The following RUBCNL variants were observed in gnomAD, a reference collection of about 807,000 sequenced individuals.
RUBCNL encodes rubicon like autophagy enhancer.
Under a neutral mutation model 69.5 loss-of-function variants are expected in RUBCNL, and 62 were observed. The ratio of observed to expected loss-of-function variants is 0.89; its 90% CI spans 0.73 to 1.10. RUBCNL has a LOEUF of 1.10. Ranked by LOEUF, RUBCNL falls within the 50% of genes least tolerant of loss-of-function variation. The pLI is 0.00. For missense variants in RUBCNL, 768 were observed against 798.1 expected (o/e 0.96, Z 0.45); for synonymous variants, 291 against 303.6 (o/e 0.96, Z 0.43).
intron 3 of RUBCNL, among the ~76,000 whole-genome samples, 186 bp downstream of exon 3, chr13:46,371,755 C>T (rs1274633448): frequency 1.3e-5 from 2 of 152,244 alleles, no homozygotes; most frequent in African/African-American, 4.8e-5. Flanking sequence ...TAACAATTCT[C>T]TGCAGTCTAA....
rs1594141269 is a variant in RUBCNL, at chr13:46,353,403, C to G, written c.1330+3029G>C. Among the ~76,000 whole-genome samples the G allele has an allele frequency of 2.6e-5, 4 of 152,286 alleles. 1 individual carries two copies. In the South Asian group the frequency reaches 8.3e-4, roughly 32 times the overall value. ...AATATCCATTCACTCATTCATCAAA[C>G]TTCATTGAATACATGCTGTTATACT... On this transcript the variant is annotated intron_variant, in intron 10 of 14. Coordinates refer to ENST00000429979, the MANE Select transcript of RUBCNL (RefSeq NM_025113.5).
upstream of RUBCNL, among the ~76,000 whole-genome samples, chr13:46,388,721 A>C (rs1305297996): frequency 3.9e-5 from 6 of 152,172 alleles, no homozygotes; most frequent in Non-Finnish European, 8.8e-5. Flanking sequence ...ATCCCGTTGC[A>C]CTTTCCTGGG....
At chr13:46,387,054 G>A (rs1401777477) in intron 1 of RUBCNL, 80 bp downstream of exon 1, 3 of 971,088 alleles carry the variant, frequency 3.1e-6, no homozygotes, top group Non-Finnish European at 3.7e-6. Flanking sequence ...AACCTCTCCC[G>A]CGGCCCTCCC....
chr13:46,377,291 T>C (rs1445805726), intron 2 of RUBCNL, among the ~76,000 whole-genome samples: 1 of 152,224 alleles, frequency 6.6e-6, no homozygotes, highest in Non-Finnish European at 1.5e-5. Context: ...TTGAGACAAG[T>C]CTCGATCTGT....
At chr13:46,372,677 C>A (rs2048905149) in intron 2 of RUBCNL, 80 bp from the exon 3 acceptor site, 3 of 1,344,726 alleles carry the variant, frequency 2.2e-6, no homozygotes, top group African/African-American at 1.5e-5. Flanking sequence ...GATGGCAAAA[C>A]CCAAAAAATT....
Position 46,368,124 on chromosome 13 carries a change from A to T in RUBCNL, c.744T>A (p.Asp248Glu). The change falls in exon 5 of 15, where the codon GAT becomes GAA. Residue 248 changes from aspartate to glutamate, a missense_variant. Asp to Glu is a conservative substitution (Grantham distance 45). Coordinates refer to ENST00000429979, the MANE Select transcript of RUBCNL (RefSeq NM_025113.5). ...SKEVSGLLGS[D>E]QPDSEMTFDT... ...CAAAAGTCATTTCAGAGTCAGGCTGATCACTCCCAAGTAACCCACTGACTT... is the reference window on the plus strand; with the variant it reads ...CAAAAGTCATTTCAGAGTCAGGCTGTTCACTCCCAAGTAACCCACTGACTT... The T allele has an allele frequency of 6.2e-7, 1 of 1,613,952 alleles. No homozygotes were observed. The highest frequency in any genetic ancestry group is 8.5e-7 in the Non-Finnish European group (1 of 1,179,876).
intron 10 of RUBCNL, among the ~76,000 whole-genome samples, chr13:46,352,960 T>C (rs1594140577): frequency 6.6e-6 from 1 of 152,218 alleles, no homozygotes; most frequent in East Asian, 1.9e-4. Context: ...GAGGGACAGT[T>C]ATTTCCCCTA....
rs530311763 is a variant in RUBCNL at position 46,383,752 on chromosome 13, T to C, written c.-239+3382A>G. Among the ~76,000 whole-genome samples the C allele has an allele frequency of 1.2e-4, 18 of 152,340 alleles. No homozygotes were observed. The South Asian group carries it at 3.7e-3, about 32-fold the overall frequency. On this transcript the variant is annotated intron_variant, in intron 1 of 14. Coordinates refer to ENST00000429979, the MANE Select transcript of RUBCNL (RefSeq NM_025113.5). ...ACCCACAAGTCCAGGTGGCACTGTTTGGAAAAACAGAAAGCAAGAAAACTA... is the reference window on the plus strand; with the variant it reads ...ACCCACAAGTCCAGGTGGCACTGTTCGGAAAAACAGAAAGCAAGAAAACTA...
chr13:46,377,961 C>T lies in RUBCNL; in HGVS notation c.-194G>A. The T allele has an allele frequency of 6.2e-7, 1 of 1,602,856 alleles. No individual in the cohort carries two copies. On this transcript the variant is annotated 5_prime_UTR_variant, in exon 2 of 15. An upstream start codon of the reference 5' UTR is lost. Transcript: ENST00000429979. ...GTAATGATTGGAAACCATCAAAGTCCATGCAGTAGTGACAGGAGGTCAATA... is the reference window on the plus strand; with the variant it reads ...GTAATGATTGGAAACCATCAAAGTCTATGCAGTAGTGACAGGAGGTCAATA...
chr13:46,359,045 G>A (rs1479550274), intron 9 of RUBCNL, among the ~76,000 whole-genome samples: 1 of 152,094 alleles, frequency 6.6e-6, no homozygotes, highest in East Asian at 1.9e-4. Context: ...TTGGGAGGCT[G>A]AGGTGGGCAG....
At chr13:46,362,939 GATATATAT>G (rs57722239) in intron 6 of RUBCNL, among the ~76,000 whole-genome samples, 168 bp downstream of exon 6, 6 of 41,504 alleles carry the variant, frequency 1.4e-4, no homozygotes, top group Admixed American at 8.8e-4. Flanking sequence ...TATATATATA[GATATATAT>G]ATATATATAT....
At position 46,377,956 on chromosome 13, in the gene RUBCNL, A is replaced by G. The variant is rs541033312; in HGVS notation, c.-189T>C. ...AGAAAGTAATGATTGGAAACCATCA[A>G]AGTCCATGCAGTAGTGACAGGAGGT... On this transcript the variant is annotated 5_prime_UTR_variant, in exon 2 of 15. Transcript: ENST00000429979. 2 of 1,607,028 alleles carry G rather than the reference A, an allele frequency of 1.2e-6. No individual in the cohort carries two copies. Among genetic ancestry groups the G allele is most frequent in the East Asian group, 4.5e-5 (2 of 44,792 alleles).
At chr13:46,356,892 C>CA (rs1009828353) in intron 9 of RUBCNL, among the ~76,000 whole-genome samples, 3 of 135,054 alleles carry the variant, frequency 2.2e-5, no homozygotes, top group Admixed American at 7.5e-5. Context: ...GCTTTATTTA[C>CA]TTTTTTTTTT....
rs904672625 is a variant in RUBCNL at position 46,337,141 on chromosome 13, T to A, written c.*6244A>T. 2.6e-5 allele frequency among the ~76,000 whole-genome samples: 4 copies of A among 151,540 alleles called. No individual in the cohort carries two copies. The highest frequency in any genetic ancestry group is 5.9e-5 in the Non-Finnish European group (4 of 67,900). On this transcript the variant is annotated 3_prime_UTR_variant, in exon 15 of 15. Transcript: ENST00000429979. Reference sequence around the variant, plus strand: ...CTCTCTCTCTCTCTTTTCCTTTTTCTTTTTTTGGGGGCAGGGAGGGGGGAC... The same window carrying A: ...CTCTCTCTCTCTCTTTTCCTTTTTCATTTTTTGGGGGCAGGGAGGGGGGAC...
intron 1 of RUBCNL, among the ~76,000 whole-genome samples, chr13:46,381,272 T>C (rs1461803360): frequency 1.3e-5 from 2 of 152,220 alleles, no homozygotes; most frequent in Non-Finnish European, 2.9e-5. Flanking sequence ...TGAAATGTTA[T>C]TCAACCATCA....
chr13:46,389,649 C>T (rs777751701), upstream of RUBCNL: 76 of 152,256 alleles, frequency 5.0e-4, no homozygotes, highest in African/African-American at 1.8e-3. This position sits in a 1 kb window ranked among gnomAD's most constrained non-coding sequence, Gnocchi z 4.2. Context: ...GGCACTATCA[C>T]GTGGACATCC....
At chr13:46,356,363 G>A (rs1364244686) in intron 10 of RUBCNL, 69 bp downstream of exon 10, 136 of 1,460,296 alleles carry the variant, frequency 9.3e-5, no homozygotes, top group Non-Finnish European at 1.3e-4. Flanking sequence ...CAAGCAATGC[G>A]CTGCCCTACT....
Position 46,337,434 on chromosome 13 carries a change from T to C in RUBCNL, c.*5951A>G, listed in dbSNP as rs568473494. On this transcript the variant is annotated 3_prime_UTR_variant, in exon 15 of 15. Transcript: ENST00000429979. ...ACTTTGGGAGTGCTGGGATTACAAGTGTGAGCCACCGTGCCTGGTCCGCTC... is the reference window on the plus strand; with the variant it reads ...ACTTTGGGAGTGCTGGGATTACAAGCGTGAGCCACCGTGCCTGGTCCGCTC... Among the ~76,000 whole-genome samples the C allele has an allele frequency of 1.5e-4, 23 of 152,244 alleles. 2 individuals are homozygous for C. Among genetic ancestry groups the C allele is most frequent in the African/African-American group, 5.3e-4 (22 of 41,548 alleles).
upstream of RUBCNL, among the ~76,000 whole-genome samples, chr13:46,388,563 A>T (rs1218242711): frequency 1.3e-5 from 2 of 152,044 alleles, no homozygotes; most frequent in African/African-American, 4.8e-5. Context: ...GAAGGGAGGG[A>T]GGGATGGAGG....
Sources: allele counts gnomAD v4.1 joint callset (sites outside exome capture counted in the v4.1 genomes callset), GRCh38; gene constraint gnomAD v4.1.1; non-coding constraint Gnocchi (gnomAD v3.1); transcripts MANE v1.5; gene names NCBI Gene and HGNC (gene_info 2026-07-23, HGNC 2026-07-21).